Variants in EPHA7 observed in about 807,000 individuals in gnomAD.
EPHA7 encodes the protein EPH receptor A7.
Under a neutral mutation model 112.6 loss-of-function variants are expected in EPHA7, and 25 were observed. That is an observed-to-expected ratio of 0.22 (90% CI 0.16 to 0.31). The LOEUF (loss-of-function observed/expected upper bound fraction) is 0.31. Ranked by LOEUF, EPHA7 falls within the 10% of genes least tolerant of loss-of-function variation. The pLI is 1.00. For synonymous variants in EPHA7, 437 were observed against 406.5 expected, an observed-to-expected ratio of 1.07 and a Z score of -0.90; for missense variants, 962 against 1,212.6, an observed-to-expected ratio of 0.79 and a Z score of 3.07.
At chr6:93,264,090 CT>C (rs1161776844) in intron 8 of EPHA7, among the ~76,000 whole-genome samples, 175 bp from the exon 9 acceptor site, 1 of 151,416 alleles carries the variant, frequency 6.6e-6, no homozygotes, top group Non-Finnish European at 1.5e-5. Context: ...AGAAAACAAA[CT>C]TTTTGTGTGA....
At chr6:93,314,732 T>A (rs1246552642) in intron 5 of EPHA7, among the ~76,000 whole-genome samples, 1 of 152,214 alleles carries the variant, frequency 6.6e-6, no homozygotes, top group Non-Finnish European at 1.5e-5. Context: ...CTATGAATTT[T>A]ATTAGATATT....
At chr6:93,333,963 C>A (rs1288532628) in intron 5 of EPHA7, among the ~76,000 whole-genome samples, 1 of 151,704 alleles carries the variant, frequency 6.6e-6, no homozygotes, top group Non-Finnish European at 1.5e-5. Flanking sequence ...TTCATATGAA[C>A]CAAAAAAGAG....
At chr6:93,357,665 T>TG (rs1776020720) in intron 4 of EPHA7, among the ~76,000 whole-genome samples, 1 of 151,948 alleles carries the variant, frequency 6.6e-6, no homozygotes, top group Admixed American at 6.6e-5. Context: ...CTTTTTTTTT[T>TG]TTTTTGAGAC....
chr6:93,281,634 CATCA>C (rs1771743138), intron 5 of EPHA7, among the ~76,000 whole-genome samples: 1 of 152,088 alleles, frequency 6.6e-6, no homozygotes, highest in Admixed American at 6.5e-5. Context: ...CCTTGCAGGT[CATCA>C]GAGTAACATT....
At chr6:93,319,848 C>T (rs548890999) in intron 5 of EPHA7, among the ~76,000 whole-genome samples, 1 of 152,038 alleles carries the variant, frequency 6.6e-6, no homozygotes, top group South Asian at 2.1e-4. Flanking sequence ...ATATTATACC[C>T]TTTATTTAAT....
intron 5 of EPHA7, among the ~76,000 whole-genome samples, chr6:93,304,760 C>T (rs1773165593): frequency 6.6e-6 from 1 of 152,056 alleles, no homozygotes; most frequent in Non-Finnish European, 1.5e-5. Flanking sequence ...GAATTCACTG[C>T]CTACTCTCTT....
chr6:93,384,277 T>A (rs1342435210), intron 3 of EPHA7, among the ~76,000 whole-genome samples: 1 of 152,098 alleles, frequency 6.6e-6, no homozygotes, highest in South Asian at 2.1e-4. Flanking sequence ...AGCAACAGGA[T>A]CTTAGCTCAG....
At chr6:93,330,506 C>T (rs1260961888) in intron 5 of EPHA7, among the ~76,000 whole-genome samples, 2 of 151,156 alleles carry the variant, frequency 1.3e-5, no homozygotes, top group Non-Finnish European at 3.0e-5. Flanking sequence ...GATTTTAGCC[C>T]TTACATATAA....
In EPHA7 at chr6:93,405,860, T is replaced by C. The variant is rs956213115; in HGVS notation, c.832+4641A>G. On this transcript the variant is annotated intron_variant, in intron 3 of 16. Coordinates refer to ENST00000369303, the MANE Select transcript of EPHA7 (RefSeq NM_004440.4). ...ATATATATATATATATAAATGATTATAAATACTATATAAAGACTCATTTGT... is the reference window on the plus strand; with the variant it reads ...ATATATATATATATATAAATGATTACAAATACTATATAAAGACTCATTTGT... Among the ~76,000 whole-genome samples, 5 of 138,888 alleles carry C rather than the reference T, an allele frequency of 3.6e-5. 1 individual carries two copies. The highest frequency in any genetic ancestry group is 1.0e-4 in the African/African-American group (4 of 38,446). 91.1% of individuals were successfully genotyped at this position (138,888 alleles called of 152,430 possible).
intron 5 of EPHA7, among the ~76,000 whole-genome samples, chr6:93,313,702 G>GT (rs1388416788): frequency 1.1e-4 from 16 of 150,916 alleles, no homozygotes; most frequent in African/African-American, 3.0e-4. Flanking sequence ...ATAAAAATAA[G>GT]TAAGTATTAA....
chr6:93,384,561 C>G (rs576415073), intron 3 of EPHA7, among the ~76,000 whole-genome samples: 1 of 152,264 alleles, frequency 6.6e-6, no homozygotes, highest in African/African-American at 2.4e-5. Context: ...CAAGCCCTAG[C>G]TATCTGATCA....
rs144978863 is a variant in EPHA7 at position 93,249,095 on chromosome 6, G to A, written c.2533-2110C>T. On this transcript the variant is annotated intron_variant, in intron 14 of 16. Coordinates refer to ENST00000369303, the MANE Select transcript of EPHA7 (RefSeq NM_004440.4). ...CCTTAAGTGACCTTAATCAGTGTTG[G>A]TACTAAATGCAATGGAGGTCATATG... 1.2e-3 allele frequency among the ~76,000 whole-genome samples: 187 copies of A among 152,086 alleles called. 3 individuals are homozygous for A. The East Asian group carries it at 0.028, about 23-fold the overall frequency.
intron 5 of EPHA7, among the ~76,000 whole-genome samples, chr6:93,287,418 T>C (rs1219005099): frequency 6.6e-6 from 1 of 152,134 alleles, no homozygotes; most frequent in Admixed American, 6.5e-5. Flanking sequence ...TCTCAATCCC[T>C]ACTTTTCTTG....
intron 5 of EPHA7, among the ~76,000 whole-genome samples, chr6:93,351,120 C>T (rs149318564): frequency 6.6e-6 from 1 of 152,202 alleles, no homozygotes; most frequent in East Asian, 1.9e-4. Flanking sequence ...CCTCAGTTCC[C>T]TGCCTCATTT....
chr6:93,321,548 T>C (rs1448450471), intron 5 of EPHA7, among the ~76,000 whole-genome samples: 1 of 151,952 alleles, frequency 6.6e-6, no homozygotes, highest in Non-Finnish European at 1.5e-5. Flanking sequence ...GTGGTGTTTG[T>C]TTATTAAGTT....
chr6:93,295,535 T>C (rs1188196001), intron 5 of EPHA7, among the ~76,000 whole-genome samples: 7 of 151,546 alleles, frequency 4.6e-5, no homozygotes. Flanking sequence ...ATATGACAAA[T>C]ATATATGACG....
intron 5 of EPHA7, among the ~76,000 whole-genome samples, chr6:93,320,973 T>C (rs1774040511): frequency 6.6e-6 from 1 of 151,976 alleles, no homozygotes; most frequent in Admixed American, 6.6e-5. Context: ...TTTTGTATCA[T>C]GTAATAATTG....
At position 93,358,291 on chromosome 6, in the gene EPHA7, C is replaced by G. The variant is rs772334549; in HGVS notation, c.953G>C (p.Arg318Thr). 15 of 1,613,096 alleles carry G rather than the reference C, an allele frequency of 9.3e-6. No individual in the cohort carries two copies. In the African/African-American group the frequency reaches 1.9e-4, roughly 20 times the overall value. ...SRCECEDGYY[R>T]APSDPPYVAC... ...AACGTATGGTGGGTCAGATGGAGCC[C>G]TGTAATACCCATCTTCACATTCACA... The change falls in exon 4 of 17, where the codon AGG becomes ACG. Residue 318 changes from arginine (R) to threonine (T), a missense_variant. Around this residue, in one of 3 missense-constraint regions of EPHA7, gnomAD observed 746 missense variants for 889.2 expected, o/e 0.84. Transcript: ENST00000369303.
At chr6:93,359,410 T>C (rs952499549) in intron 3 of EPHA7, among the ~76,000 whole-genome samples, 1 of 151,074 alleles carries the variant, frequency 6.6e-6, no homozygotes, top group African/African-American at 2.4e-5. Context: ...ATTCTTCATA[T>C]TTATTAAATA....
Sources: allele counts gnomAD v4.1 joint callset (sites outside exome capture counted in the v4.1 genomes callset), GRCh38; gene constraint gnomAD v4.1.1; regional missense constraint gnomAD v4.1.1; transcripts MANE v1.5; gene names NCBI Gene and HGNC (gene_info 2026-07-23, HGNC 2026-07-21).